RORA: variants seen among roughly 807,000 people sequenced by gnomAD.
RORA encodes RAR related orphan receptor A, also known as nuclear receptor ROR-alpha.
In RORA, 7 loss-of-function variants were observed where a neutral mutation model predicts 69.5. The observed-to-expected ratio is 0.10, with a 90% CI of 0.06 to 0.19. RORA has a LOEUF of 0.19. RORA is among the 10% of genes least tolerant of loss of function. RORA has a pLI of 1.00. For synonymous variants in RORA, 261 were observed against 240.8 expected, an observed-to-expected ratio of 1.08 and a Z score of -0.78; for missense variants, 457 against 663.0, an observed-to-expected ratio of 0.69 and a Z score of 3.41.
In RORA at chr15:60,931,373, C is replaced by A. The variant is rs1485925669; in HGVS notation, c.167-252687G>T. Among the ~76,000 whole-genome samples, 10 of 152,350 alleles carry A rather than the reference C, an allele frequency of 6.6e-5. No homozygotes were observed. In the South Asian group the frequency reaches 1.0e-3, roughly 16 times the overall value. On this transcript the variant is annotated intron_variant, in intron 1 of 10. Transcript: ENST00000335670. ...GCCCAAGCACTCTTCCTTACTCACTCCTCTGGCTCCATGGGGAAGCAGAAT... is the reference window on the plus strand; with the variant it reads ...GCCCAAGCACTCTTCCTTACTCACTACTCTGGCTCCATGGGGAAGCAGAAT...
chr15:60,816,927 C>G (rs990305796), intron 1 of RORA, among the ~76,000 whole-genome samples: 2 of 151,766 alleles, frequency 1.3e-5, no homozygotes, highest in African/African-American at 4.8e-5. Flanking sequence ...ATACTTTTTT[C>G]TGTTAGTAGT....
At position 60,911,613 on chromosome 15, in the gene RORA, G is replaced by A. The variant is rs1044925646; in HGVS notation, c.167-232927C>T. 6.6e-5 allele frequency among the ~76,000 whole-genome samples: 10 copies of A among 152,058 alleles called. No individual in the cohort carries two copies. In the South Asian group the frequency reaches 1.7e-3, roughly 25 times the overall value. ...GCAAATATATTAAAAAGCCAAGGAC[G>A]CATTCTTTAATGAGTAAGTAAAATA... On this transcript the variant is annotated intron_variant, in intron 1 of 10. Coordinates refer to ENST00000335670, the MANE Select transcript of RORA (RefSeq NM_134261.3).
intron 2 of RORA, among the ~76,000 whole-genome samples, chr15:60,593,979 C>G (rs781503721): frequency 1.3e-4 from 20 of 152,110 alleles, no homozygotes; most frequent in Non-Finnish European, 2.4e-4. Context: ...AACATTTATA[C>G]AGCGCTCTGA....
rs535893567 is a variant in RORA, at chr15:61,167,426, T to C, written c.166+61627A>G. 6.7e-4 allele frequency among the ~76,000 whole-genome samples: 101 copies of C among 151,046 alleles called. 1 individual carries two copies. In the South Asian group the frequency reaches 0.02, roughly 31 times the overall value. ...TTAATAATAAACATTGAGATCCTTA[T>C]CCAGATATTTATAAGCCTTTAGAAC... On this transcript the variant is annotated intron_variant, in intron 1 of 10. Coordinates refer to ENST00000335670, the MANE Select transcript of RORA (RefSeq NM_134261.3).
At chr15:60,762,667 T>C (rs542841249) in intron 1 of RORA, among the ~76,000 whole-genome samples, 2 of 152,304 alleles carry the variant, frequency 1.3e-5, no homozygotes, top group South Asian at 2.1e-4. Flanking sequence ...TCTAAAGAAA[T>C]GTCATTTTAC....
At chr15:60,606,858 A>C (rs2068958055) in intron 2 of RORA, among the ~76,000 whole-genome samples, 1 of 152,206 alleles carries the variant, frequency 6.6e-6, no homozygotes, top group Non-Finnish European at 1.5e-5. Context: ...AGAAGCCGAA[A>C]AAACAGAAAA....
At chr15:60,501,559 A>G (rs1209868195) in intron 8 of RORA, among the ~76,000 whole-genome samples, 1 of 152,202 alleles carries the variant, frequency 6.6e-6, no homozygotes, top group Admixed American at 6.5e-5. Context: ...AGCTAGGCTG[A>G]CTGATTTCAG....
intron 1 of RORA, among the ~76,000 whole-genome samples, chr15:60,726,819 T>A (rs112178734): frequency 3.9e-5 from 6 of 151,968 alleles, no homozygotes; most frequent in Non-Finnish European, 8.8e-5. Flanking sequence ...GCCCTGAGGG[T>A]CGTGGGGTAG....
intron 2 of RORA, among the ~76,000 whole-genome samples, chr15:60,606,649 A>G (rs552204392): frequency 6.6e-6 from 1 of 152,348 alleles, no homozygotes; most frequent in African/African-American, 2.4e-5. Flanking sequence ...AAGATAGTTA[A>G]AAGGAAAAAG....
intron 2 of RORA, among the ~76,000 whole-genome samples, chr15:60,575,129 C>T (rs995657954): frequency 6.6e-6 from 1 of 152,022 alleles, no homozygotes; most frequent in Middle Eastern, 3.4e-3. Context: ...TTGTCTAATG[C>T]CAGCCTTAAC....
chr15:60,634,564 C>G (rs2069802238), intron 2 of RORA, among the ~76,000 whole-genome samples: 1 of 150,628 alleles, frequency 6.6e-6, no homozygotes, highest in Non-Finnish European at 1.5e-5. Context: ...GCCACCACGC[C>G]CGGCTAATTT....
chr15:60,649,944 C>T (rs1156480464), intron 2 of RORA, among the ~76,000 whole-genome samples: 1 of 152,144 alleles, frequency 6.6e-6, no homozygotes, highest in African/African-American at 2.4e-5. Flanking sequence ...ATCAAATCTC[C>T]ATGTATAAAA....
At chr15:61,083,485 T>C (rs2078576543) in intron 1 of RORA, among the ~76,000 whole-genome samples, 1 of 152,108 alleles carries the variant, frequency 6.6e-6, no homozygotes, top group South Asian at 2.1e-4. Flanking sequence ...AATCTGAGGC[T>C]GAAATCTCTC....
intron 2 of RORA, chr15:60,601,172 T>G (rs2068799926): frequency 6.6e-6 from 1 of 152,202 alleles, no homozygotes; most frequent in Non-Finnish European, 1.5e-5. Context: ...CAAGCTGACT[T>G]CTCCAGAAAT....
At chr15:61,171,844 A>T (rs1381039624) in intron 1 of RORA, among the ~76,000 whole-genome samples, 1 of 152,200 alleles carries the variant, frequency 6.6e-6, no homozygotes, top group Non-Finnish European at 1.5e-5. Flanking sequence ...AGCTGGGGAG[A>T]GGAACGATGC....
intron 1 of RORA, among the ~76,000 whole-genome samples, chr15:60,698,164 T>C (rs1215821530): frequency 1.3e-5 from 2 of 152,240 alleles, no homozygotes; most frequent in Non-Finnish European, 2.9e-5. Context: ...AGATGTCTTC[T>C]GTTCCTCCTT....
At chr15:60,915,950 C>CAGGA (rs151107949) in intron 1 of RORA, among the ~76,000 whole-genome samples, 4,161 of 152,296 alleles carry the variant, frequency 0.027, 212 homozygotes, top group African/African-American at 0.096. Context: ...AGGGCTCCTA[C>CAGGA]AGGAAGGCTA....
intron 1 of RORA, among the ~76,000 whole-genome samples, chr15:60,913,739 C>G (rs373928200): frequency 2.6e-5 from 4 of 152,166 alleles, no homozygotes; most frequent in Non-Finnish European, 5.9e-5. Context: ...TGCTTAAATA[C>G]TATGGATTTA....
intron 2 of RORA, among the ~76,000 whole-genome samples, chr15:60,598,090 A>G (rs1397554096): frequency 6.6e-6 from 1 of 152,088 alleles, no homozygotes; most frequent in African/African-American, 2.4e-5. Flanking sequence ...AGAGCCTTGT[A>G]GGGCCACTAG....
Sources: gnomAD v4.1 joint callset for allele counts (sites outside exome capture counted in the v4.1 genomes callset) on GRCh38, gnomAD v4.1.1 for gene constraint, MANE v1.5 for transcripts, NCBI Gene and HGNC (gene_info 2026-07-23, HGNC 2026-07-21) for gene names.